Variants in LNP1 observed in about 807,000 individuals in gnomAD.
The protein encoded by LNP1 is leukemia NUP98 fusion partner 1.
In LNP1, 12 loss-of-function variants were observed where a neutral mutation model predicts 14.5. The observed-to-expected ratio is 0.83, with a 90% CI of 0.53 to 1.34. The LOEUF is 1.34. Among genes scored for constraint, LNP1 ranks in the 40% most tolerant of loss-of-function variants. The probability of loss-of-function intolerance (pLI) is 0.00; values close to 1 mark genes in which losing one functional copy is unlikely to be tolerated. For synonymous variants in LNP1, 75 were observed against 71.4 expected, an observed-to-expected ratio of 1.05 and a Z score of -0.26; for missense variants, 198 against 210.9, an observed-to-expected ratio of 0.94 and a Z score of 0.38.
intron 1 of LNP1, among the ~76,000 whole-genome samples, chr3:100,416,602 TGTGTG>T (rs1707086658): frequency 1.7e-4 from 10 of 58,612 alleles, no homozygotes; most frequent in South Asian, 4.5e-4. Context: ...ATCTTTTTTG[TGTGTG>T]TGTGTGTGTG....
chr3:100,403,204 A>G (rs1706929955), intron 1 of LNP1, among the ~76,000 whole-genome samples: 1 of 152,262 alleles, frequency 6.6e-6, no homozygotes, highest in African/African-American at 2.4e-5. Context: ...TAATTAGAGA[A>G]TATTTAAAGT....
intron 1 of LNP1, among the ~76,000 whole-genome samples, chr3:100,428,904 G>A (rs1576231034): frequency 6.6e-6 from 1 of 152,144 alleles, no homozygotes; most frequent in African/African-American, 2.4e-5. Context: ...TCAAAAACAA[G>A]CAAATTAATC....
At chr3:100,447,335 A>C (rs1041893947) in intron 2 of LNP1, among the ~76,000 whole-genome samples, 1 of 152,192 alleles carries the variant, frequency 6.6e-6, no homozygotes, top group African/African-American at 2.4e-5. Flanking sequence ...CATTCTCAGC[A>C]AACTATCACA....
intron 2 of LNP1, 132 bp downstream of exon 2, chr3:100,430,017 T>A (rs542006817): frequency 1.2e-6 from 1 of 851,618 alleles, no homozygotes; most frequent in African/African-American, 1.7e-5. Context: ...GTCTTTCTCA[T>A]ACCCACAGAA....
At chr3:100,403,158 G>A (rs1024842959) in intron 1 of LNP1, among the ~76,000 whole-genome samples, 1 of 152,164 alleles carries the variant, frequency 6.6e-6, no homozygotes, top group Non-Finnish European at 1.5e-5. Context: ...CTGTGAAATG[G>A]TGAAAACATC....
intron 1 of LNP1, among the ~76,000 whole-genome samples, chr3:100,405,786 A>G (rs1030296236): frequency 1.3e-5 from 2 of 152,110 alleles, no homozygotes; most frequent in Non-Finnish European, 2.9e-5. Flanking sequence ...CTCTGCCTCT[A>G]GTGCCTCTCT....
rs767811020 is a variant in LNP1 at position 100,451,912 on chromosome 3, G to A, written c.350G>A (p.Arg117Gln). ...GAGAAATTTTCAGAGTCCTTTGAAC[G>A]GCAACTGTGCTTTAGAACCAAGCGT... ...KIEKFSESFERQLCFRTKRSA... is the reference protein window; with the variant it reads ...KIEKFSESFEQQLCFRTKRSA... The change falls in exon 3 of 4, where the codon CGG becomes CAG. Residue 117 changes from arginine to glutamine, a missense_variant. Physicochemically the swap from Arg to Gln is conservative, Grantham distance 43 (BLOSUM62 1). Transcript: ENST00000383693. 4 of 1,613,782 alleles carry A rather than the reference G, an allele frequency of 2.5e-6. No individual in the cohort carries two copies. Among genetic ancestry groups the A allele is most frequent in the East Asian group, 2.2e-5 (1 of 44,876 alleles).
intron 1 of LNP1, among the ~76,000 whole-genome samples, chr3:100,424,050 G>A (rs1022075489): frequency 3.3e-5 from 5 of 152,150 alleles, no homozygotes; most frequent in Non-Finnish European, 4.4e-5. Context: ...GAACCTTAGC[G>A]TAGTAGAGTA....
intron 2 of LNP1, among the ~76,000 whole-genome samples, chr3:100,430,925 G>C (rs1707236950): frequency 6.6e-6 from 1 of 152,198 alleles, no homozygotes; most frequent in South Asian, 2.1e-4. Flanking sequence ...CCTTCTTTCA[G>C]CTTCAGGTTG....
intron 1 of LNP1, among the ~76,000 whole-genome samples, chr3:100,420,064 C>T (rs530173827): frequency 1.3e-5 from 2 of 152,312 alleles, no homozygotes; most frequent in East Asian, 3.9e-4. Flanking sequence ...AAATTTTACA[C>T]ATTCTGATAG....
At position 100,415,188 on chromosome 3, in the gene LNP1, G is replaced by A. The variant is rs1707069814; in HGVS notation, c.-34+12749G>A. Among the ~76,000 whole-genome samples the A allele has an allele frequency of 2.6e-5, 4 of 152,254 alleles. No individual in the cohort carries two copies. The South Asian group carries it at 8.3e-4, about 32-fold the overall frequency. ...TTTTAACTTACAGAAAACATATACTGCAAAAGAGTCGGAAGATAAGACATA... is the reference window on the plus strand; with the variant it reads ...TTTTAACTTACAGAAAACATATACTACAAAAGAGTCGGAAGATAAGACATA... On this transcript the variant is annotated intron_variant, in intron 1 of 3. Transcript: ENST00000383693.
At chr3:100,430,516 C>G (rs1707233154) in intron 2 of LNP1, among the ~76,000 whole-genome samples, 1 of 152,204 alleles carries the variant, frequency 6.6e-6, no homozygotes. Context: ...GCTGTAGACT[C>G]AGTGACATGT....
At chr3:100,414,787 T>C (rs763344996) in intron 1 of LNP1, among the ~76,000 whole-genome samples, 1 of 152,128 alleles carries the variant, frequency 6.6e-6, no homozygotes, top group Admixed American at 6.5e-5. Context: ...ATTCTTCCAA[T>C]GATGGGTGGA....
At chr3:100,442,874 C>T (rs541424364) in intron 2 of LNP1, among the ~76,000 whole-genome samples, 1 of 152,180 alleles carries the variant, frequency 6.6e-6, no homozygotes, top group South Asian at 2.1e-4. Flanking sequence ...TATTCCTAGA[C>T]AGGTAGGTCC....
chr3:100,418,059 A>C (rs920323140), intron 1 of LNP1, among the ~76,000 whole-genome samples: 12 of 115,592 alleles, frequency 1.0e-4, no homozygotes, highest in South Asian at 8.4e-4. Context: ...TTCTCATACC[A>C]TTTTTTTTTT....
chr3:100,452,981 C>T (rs1707474597), intron 3 of LNP1, among the ~76,000 whole-genome samples: 1 of 152,120 alleles, frequency 6.6e-6, no homozygotes, highest in Non-Finnish European at 1.5e-5. Context: ...AATAATGGGT[C>T]ACTGCCAGGT....
chr3:100,438,218 G>A (rs1707309875), intron 2 of LNP1, among the ~76,000 whole-genome samples: 1 of 152,190 alleles, frequency 6.6e-6, no homozygotes, highest in Non-Finnish European at 1.5e-5. Flanking sequence ...ACATCGAGTA[G>A]TTAAGCTCTT....
chr3:100,442,251 G>A (rs991428112), intron 2 of LNP1, among the ~76,000 whole-genome samples: 7 of 152,156 alleles, frequency 4.6e-5, no homozygotes, highest in African/African-American at 1.7e-4. Flanking sequence ...AATTGATTCT[G>A]CTGCCTCACT....
Position 100,455,905 on chromosome 3 carries a change from G to A in LNP1, c.516G>A (p.Leu172=). The A allele has an allele frequency of 6.2e-7, 1 of 1,610,512 alleles. No homozygotes were observed. The highest frequency in any genetic ancestry group is 8.5e-7 in the Non-Finnish European group (1 of 1,179,104). Residue 172 remains leucine, a synonymous_variant, in exon 4 of 4, where the codon CTG becomes CTA. Transcript: ENST00000383693. ...EEHGEAHMAP[L]FEKGPE is the part of the protein sequence containing the mutation. ...ATGGAGAAGCACACATGGCTCCCCT[G>A]TTTGAAAAAGGGCCTGAATAATACT...
Sources: allele counts gnomAD v4.1 joint callset (sites outside exome capture counted in the v4.1 genomes callset), GRCh38; gene constraint gnomAD v4.1.1; transcripts MANE v1.5; gene names NCBI Gene and HGNC (gene_info 2026-07-23, HGNC 2026-07-21).